Variants in DYRK1A observed in about 807,000 individuals in gnomAD.
DYRK1A encodes dual specificity tyrosine-phosphorylation-regulated kinase 1A.
In DYRK1A, 9 loss-of-function variants were observed where a neutral mutation model predicts 79.7. That is an observed-to-expected ratio of 0.11 (90% CI 0.07 to 0.20). DYRK1A has a LOEUF of 0.20. DYRK1A is among the 10% of genes least tolerant of loss of function. The pLI is 1.00. For missense variants in DYRK1A, 622 were observed against 956.0 expected, an observed-to-expected ratio of 0.65 and a Z score of 4.61; for synonymous variants, 349 against 329.7, an observed-to-expected ratio of 1.06 and a Z score of -0.63.
chr21:37,480,896 C>A, intron 5 of DYRK1A, 70 bp downstream of exon 5: 1 of 1,266,490 alleles, frequency 7.9e-7, no homozygotes, highest in Non-Finnish European at 1.1e-6. Flanking sequence ...TTGTTAACAG[C>A]CCTTCCTCAA....
At chr21:37,491,300 G>T (rs566106556) in intron 7 of DYRK1A, among the ~76,000 whole-genome samples, 68 of 152,140 alleles carry the variant, frequency 4.5e-4, no homozygotes, top group African/African-American at 1.5e-3. Context: ...AGTGATAGGG[G>T]TCTCCTCTTG....
intron 9 of DYRK1A, among the ~76,000 whole-genome samples, chr21:37,498,039 A>AT (rs1482098775): frequency 6.6e-6 from 1 of 152,214 alleles, no homozygotes; most frequent in Non-Finnish European, 1.5e-5. Flanking sequence ...TTGACTAGAG[A>AT]TACAAATAGA....
intron 8 of DYRK1A, among the ~76,000 whole-genome samples, chr21:37,493,888 G>T (rs1369847971): frequency 6.6e-6 from 1 of 151,522 alleles, no homozygotes; most frequent in African/African-American, 2.4e-5. Context: ...GCTGTTAATA[G>T]GTGGTGTCAG....
chr21:37,370,425 G>A (rs2049407179), intron 1 of DYRK1A, among the ~76,000 whole-genome samples: 1 of 152,102 alleles, frequency 6.6e-6, no homozygotes, highest in Non-Finnish European at 1.5e-5. Context: ...GGCGAGAAGG[G>A]AATTGCCTTA....
At chr21:37,374,341 T>C (rs1435375926) in intron 1 of DYRK1A, among the ~76,000 whole-genome samples, 1 of 149,846 alleles carries the variant, frequency 6.7e-6, no homozygotes, top group Non-Finnish European at 1.5e-5. Context: ...GTACATTTAC[T>C]ATCTAGTATG....
chr21:37,467,656 C>T (rs775864916), intron 2 of DYRK1A, among the ~76,000 whole-genome samples: 2 of 152,170 alleles, frequency 1.3e-5, no homozygotes, highest in Non-Finnish European at 2.9e-5. Flanking sequence ...AGCATCTATT[C>T]ATGAGGAAAA....
At chr21:37,369,952 T>G (rs1168223767) in intron 1 of DYRK1A, among the ~76,000 whole-genome samples, 1 of 152,220 alleles carries the variant, frequency 6.6e-6, no homozygotes, top group Non-Finnish European at 1.5e-5. Context: ...ACATTCCATA[T>G]TAGTGTAATG....
intron 1 of DYRK1A, among the ~76,000 whole-genome samples, chr21:37,417,506 C>CTTTTTCTTTTTCTTTTTCT (rs375931123): frequency 8.5e-5 from 6 of 70,444 alleles, no homozygotes; most frequent in South Asian, 6.9e-4. Context: ...TTTTATTTTT[C>CTTTTTCTTTTTCTTTTTCT]TTTTCTTTTT....
chr21:37,490,092 A>AT, intron 6 of DYRK1A, 83 bp from the exon 7 acceptor site: 2 of 1,313,164 alleles, frequency 1.5e-6, no homozygotes, highest in East Asian at 4.7e-5. Context: ...TAATAATGTT[A>AT]TAGAACATTT....
intron 2 of DYRK1A, among the ~76,000 whole-genome samples, chr21:37,423,052 GTGC>G (rs1440867730): frequency 6.6e-5 from 10 of 152,110 alleles, no homozygotes; most frequent in Non-Finnish European, 1.3e-4. Flanking sequence ...ACTATTATAG[GTGC>G]TGCTCTGCAT....
At chr21:37,420,253 G>A (rs2050439724) in intron 1 of DYRK1A, 46 bp from the exon 2 acceptor site, 2 of 680,802 alleles carry the variant, frequency 2.9e-6, no homozygotes, top group Non-Finnish European at 4.9e-6. Context: ...TGGGGTAATT[G>A]TCTTGCATCA....
chr21:37,469,611 AG>A (rs1482948898), intron 2 of DYRK1A, among the ~76,000 whole-genome samples: 2 of 152,194 alleles, frequency 1.3e-5, no homozygotes, highest in Non-Finnish European at 2.9e-5. Flanking sequence ...CAATCATGGC[AG>A]AAGGCGTTGG....
intron 1 of DYRK1A, among the ~76,000 whole-genome samples, chr21:37,373,106 A>G (rs775818763): frequency 6.6e-6 from 1 of 152,174 alleles, no homozygotes; most frequent in African/African-American, 2.4e-5. Context: ...CGGAACCTGT[A>G]TGTTGAATCC....
chr21:37,440,630 T>A (rs1282860479), intron 2 of DYRK1A, among the ~76,000 whole-genome samples: 1 of 152,220 alleles, frequency 6.6e-6, no homozygotes, highest in Non-Finnish European at 1.5e-5. Flanking sequence ...GCTTTCTTCC[T>A]TGAGTTGTGG....
intron 2 of DYRK1A, among the ~76,000 whole-genome samples, chr21:37,446,408 C>G (rs189291590): frequency 6.6e-6 from 1 of 151,996 alleles, no homozygotes; most frequent in Non-Finnish European, 1.5e-5. Flanking sequence ...TCAAGAAATT[C>G]AAAATGAAAA....
At chr21:37,475,249 C>A (rs2052355699) in intron 3 of DYRK1A, among the ~76,000 whole-genome samples, 2 of 152,128 alleles carry the variant, frequency 1.3e-5, no homozygotes. Context: ...ACTTGCCTTG[C>A]AAAAGGGGTC....
intron 1 of DYRK1A, among the ~76,000 whole-genome samples, chr21:37,413,718 A>C (rs1234902623): frequency 6.6e-6 from 1 of 152,208 alleles, no homozygotes; most frequent in African/African-American, 2.4e-5. Flanking sequence ...CTAGAGCGTC[A>C]TTGGGCCACC....
At chr21:37,432,054 T>C (rs529045615) in intron 2 of DYRK1A, among the ~76,000 whole-genome samples, 2 of 152,242 alleles carry the variant, frequency 1.3e-5, no homozygotes, top group Non-Finnish European at 2.9e-5. Flanking sequence ...TATACTATTA[T>C]AACTTTTAGC....
intron 11 of DYRK1A, among the ~76,000 whole-genome samples, chr21:37,509,533 A>T (rs1314889335): frequency 6.6e-6 from 1 of 152,114 alleles, no homozygotes; most frequent in Non-Finnish European, 1.5e-5. Flanking sequence ...TGCAGCCTTG[A>T]GCACCTGGGC....
Sources: gnomAD v4.1 joint callset for allele counts (sites outside exome capture counted in the v4.1 genomes callset) on GRCh38, gnomAD v4.1.1 for gene constraint, MANE v1.5 for transcripts, NCBI Gene and HGNC (gene_info 2026-07-23, HGNC 2026-07-21) for gene names.